FBLN5: variants seen among roughly 807,000 people sequenced by gnomAD.
FBLN5 encodes fibulin-5.
A neutral mutation model predicts 61.6 loss-of-function variants in FBLN5; 24 were observed. The observed-to-expected ratio is 0.39, with a 90% CI of 0.28 to 0.55. The LOEUF (loss-of-function observed/expected upper bound fraction) is 0.55, where lower values mean the gene tolerates loss of function less well. Among genes scored for constraint, FBLN5 ranks in the 20% least tolerant of loss-of-function variants. The pLI, the probability that FBLN5 is intolerant of heterozygous loss-of-function variation, is 0.65. For missense variants in FBLN5, 470 were observed against 594.1 expected, an observed-to-expected ratio of 0.79 and a Z score of 2.17; for synonymous variants, 213 against 219.8, an observed-to-expected ratio of 0.97 and a Z score of 0.27.
intron 7 of FBLN5, among the ~76,000 whole-genome samples, chr14:91,885,224 A>C (rs947180674): frequency 6.6e-6 from 1 of 152,216 alleles, no homozygotes; most frequent in African/African-American, 2.4e-5. Flanking sequence ...AGTCTTCAGG[A>C]GGGTGTGCAT....
intron 2 of FBLN5, among the ~76,000 whole-genome samples, chr14:91,941,512 G>A (rs987503837): frequency 7.9e-5 from 12 of 152,176 alleles, no homozygotes; most frequent in Admixed American, 1.3e-4. Context: ...TCGCTGAGCT[G>A]TTGGTTGATT....
At chr14:91,940,753 A>T in intron 2 of FBLN5, 137 bp from the exon 3 acceptor site, 1 of 725,758 alleles carries the variant, frequency 1.4e-6, no homozygotes, top group Non-Finnish European at 2.4e-6. Flanking sequence ...TATAACCCCT[A>T]TTTGTTCTTC....
chr14:91,893,089 A>G (rs1407930767), intron 5 of FBLN5, among the ~76,000 whole-genome samples: 1 of 152,032 alleles, frequency 6.6e-6, no homozygotes, highest in East Asian at 1.9e-4. Flanking sequence ...CTACCACTCC[A>G]GCGCCCCTTG....
intron 4 of FBLN5, among the ~76,000 whole-genome samples, chr14:91,927,054 C>T (rs1448177274): frequency 5.3e-5 from 8 of 152,306 alleles, no homozygotes; most frequent in Non-Finnish European, 1.5e-5. Flanking sequence ...CATTGAATTG[C>T]TCACTTCAGA....
At chr14:91,883,157 T>C in intron 7 of FBLN5, 81 bp from the exon 8 acceptor site, 1 of 1,495,814 alleles carries the variant, frequency 6.7e-7, no homozygotes, top group Non-Finnish European at 9.3e-7. Context: ...ACTCCAACTC[T>C]CACACTGTCT....
In FBLN5 at chr14:91,945,685, C is replaced by G. The variant is rs192565952; in HGVS notation, c.17+1528G>C. On this transcript the variant is annotated intron_variant, in intron 1 of 10. Transcript: ENST00000342058. ...GCTGACATCCAGAGGGAATAGGGCC[C>G]TGATACGATCTTAGGAGATGCGAGG... Among the ~76,000 whole-genome samples, 7 of 152,278 alleles carry G rather than the reference C, an allele frequency of 4.6e-5. No individual in the cohort carries two copies. In the East Asian group the frequency reaches 1.4e-3, roughly 29 times the overall value.
intron 3 of FBLN5, among the ~76,000 whole-genome samples, chr14:91,937,972 A>C (rs1186032183): frequency 1.3e-5 from 2 of 152,262 alleles, no homozygotes; most frequent in African/African-American, 4.8e-5. Context: ...CATAAGTAGA[A>C]GGTAACAGTA....
At chr14:91,871,975 G>A (rs1028596443) in intron 10 of FBLN5, among the ~76,000 whole-genome samples, 5 of 152,192 alleles carry the variant, frequency 3.3e-5, no homozygotes, top group African/African-American at 1.2e-4. Context: ...CTCAGGGCTA[G>A]GATCTACTGA....
chr14:91,918,268 G>A (rs1277836618), intron 4 of FBLN5, among the ~76,000 whole-genome samples: 1 of 152,208 alleles, frequency 6.6e-6, no homozygotes, highest in Non-Finnish European at 1.5e-5. Context: ...AAACCCAGCT[G>A]TTTCTGCATA....
At chr14:91,880,381 C>T (rs1595295811) in intron 9 of FBLN5, among the ~76,000 whole-genome samples, 1 of 152,204 alleles carries the variant, frequency 6.6e-6, no homozygotes. Flanking sequence ...TGAAAGACCC[C>T]ATGTATCCAG....
chr14:91,879,606 T>C (rs1889326165), intron 9 of FBLN5, among the ~76,000 whole-genome samples: 1 of 152,156 alleles, frequency 6.6e-6, no homozygotes, highest in South Asian at 2.1e-4. Context: ...GAACCAGGAA[T>C]AGAAGCTGGG....
At chr14:91,894,577 C>G (rs546611904) in intron 5 of FBLN5, among the ~76,000 whole-genome samples, 2 of 151,926 alleles carry the variant, frequency 1.3e-5, no homozygotes, top group South Asian at 2.1e-4. Flanking sequence ...CAAAAATTAT[C>G]TGGGCGTGGT....
rs948129609 is a variant in FBLN5, at chr14:91,869,515, C to T, written c.*709G>A. On this transcript the variant is annotated 3_prime_UTR_variant, in exon 11 of 11. Coordinates refer to ENST00000342058, the MANE Select transcript of FBLN5 (RefSeq NM_006329.4). ...AGGGGTCCTCAAAGAAAACACTGGGCTAAAATGGAGAGGAGACTGGGTTTG... is the reference window on the plus strand; with the variant it reads ...AGGGGTCCTCAAAGAAAACACTGGGTTAAAATGGAGAGGAGACTGGGTTTG... 2 of 152,396 alleles carry T rather than the reference C, an allele frequency of 1.3e-5. No homozygotes were observed. Among genetic ancestry groups the T allele is most frequent in the Non-Finnish European group, 2.9e-5 (2 of 68,234 alleles). 9.4% of individuals were successfully genotyped at this position (152,396 alleles called of 1,614,324 possible).
At chr14:91,936,733 A>G (rs2056021939) in intron 4 of FBLN5, among the ~76,000 whole-genome samples, 1 of 152,244 alleles carries the variant, frequency 6.6e-6, no homozygotes, top group Non-Finnish European at 1.5e-5. Flanking sequence ...GGTTTTCTGG[A>G]GAACTGTGAA....
intron 4 of FBLN5, among the ~76,000 whole-genome samples, chr14:91,936,688 G>T: frequency 6.6e-6 from 1 of 152,138 alleles, no homozygotes; most frequent in East Asian, 1.9e-4. Context: ...CAGATAGGTA[G>T]GTAGATAGAT....
At position 91,908,905 on chromosome 14, in the gene FBLN5, CT is replaced by C. The variant is rs561272838; in HGVS notation, c.380-13834del. Among the ~76,000 whole-genome samples, 54 of 148,852 alleles carry C rather than the reference CT, an allele frequency of 3.6e-4. No individual in the cohort carries two copies. The South Asian group carries it at 5.2e-3, about 14-fold the overall frequency. On this transcript the variant is annotated intron_variant, in intron 4 of 10. Transcript: ENST00000342058. ...CTAGAAAGAGTCCTGGGAATCAGTA[CT>C]TTTTTTTTTAATTAATTAATTATTT...
chr14:91,925,418 C>T (rs1414363031), intron 4 of FBLN5, among the ~76,000 whole-genome samples: 1 of 152,180 alleles, frequency 6.6e-6, no homozygotes, highest in Non-Finnish European at 1.5e-5. Flanking sequence ...TGCCAGCCCC[C>T]AAGGAGATGG....
At chr14:91,885,342 T>C (rs191313698) in intron 7 of FBLN5, among the ~76,000 whole-genome samples, 165 of 152,276 alleles carry the variant, frequency 1.1e-3, no homozygotes, top group African/African-American at 2.9e-3. Flanking sequence ...AAAAGTCTCT[T>C]ACACCTACAC....
chr14:91,873,360 C>T (rs770656757), intron 10 of FBLN5: 3 of 152,404 alleles, frequency 2.0e-5, no homozygotes, highest in Non-Finnish European at 4.4e-5. Context: ...TCTTCACAAC[C>T]CTATGCTCTA....
Sources: gnomAD v4.1 joint callset for allele counts (sites outside exome capture counted in the v4.1 genomes callset) on GRCh38, gnomAD v4.1.1 for gene constraint, MANE v1.5 for transcripts, NCBI Gene and HGNC (gene_info 2026-07-23, HGNC 2026-07-21) for gene names.